The following BCO2 variants were observed in gnomAD, a reference collection of about 807,000 sequenced individuals.
BCO2 encodes carotenoid-cleaving dioxygenase, mitochondrial.
A neutral mutation model predicts 65.8 loss-of-function variants in BCO2; 56 were observed. The ratio of observed to expected loss-of-function variants is 0.85; its 90% confidence interval spans 0.69 to 1.06. The LOEUF (loss-of-function observed/expected upper bound fraction) is 1.06. Among genes scored for constraint, BCO2 ranks in the 50% least tolerant of loss-of-function variants. The pLI is 0.00. For missense variants in BCO2, 675 were observed against 698.5 expected (o/e 0.97, Z 0.38); for synonymous variants, 233 against 242.3 (o/e 0.96, Z 0.36).
intron 2 of BCO2, 63 bp from the exon 3 acceptor site, chr11:112,193,411 T>G (rs1207860807): frequency 9.3e-6 from 13 of 1,396,042 alleles, no homozygotes; most frequent in Non-Finnish European, 1.3e-5. Flanking sequence ...GATCTATCAC[T>G]CTGTCCCTCA....
chr11:112,193,718 A>G (rs551081649), intron 3 of BCO2, 21 bp downstream of exon 3: 1 of 1,595,854 alleles, frequency 6.3e-7, no homozygotes, highest in East Asian at 2.2e-5. Context: ...TGATTATTTA[A>G]ACTATTACGA....
At position 112,200,471 on chromosome 11, in the gene BCO2, C is replaced by T. The variant is rs1019719195; in HGVS notation, c.866-142C>T. 15 of 656,886 alleles carry T rather than the reference C, an allele frequency of 2.3e-5. No individual in the cohort carries two copies. The African/African-American group carries it at 2.6e-4, about 11-fold the overall frequency. The allele number at this position is 656,886 out of a possible 1,614,324, so 40.7% of individuals were successfully genotyped here. ...AAATACGTATAGTAAAGCTGGGAGA[C>T]AGTAAACATGTATTTCTGGCTGGCA... On this transcript the variant is annotated intron_variant, in intron 6 of 11. Coordinates refer to ENST00000357685, the MANE Select transcript of BCO2 (RefSeq NM_031938.7).
chr11:112,206,655 A>AT (rs1412986706), intron 8 of BCO2, among the ~76,000 whole-genome samples: 7 of 151,832 alleles, frequency 4.6e-5, no homozygotes, highest in Non-Finnish European at 1.0e-4. Flanking sequence ...TGTGGTTGCA[A>AT]TTTTTTTCCC....
At chr11:112,216,690 C>G (rs1295824536) in intron 11 of BCO2, among the ~76,000 whole-genome samples, 5 of 152,182 alleles carry the variant, frequency 3.3e-5, no homozygotes, top group Non-Finnish European at 1.5e-5. Flanking sequence ...GTATTTAAAT[C>G]CAAGTCTTTT....
At position 112,214,771 on chromosome 11, in the gene BCO2, T is replaced by G. The variant is rs778931681; in HGVS notation, c.1342T>G (p.Ser448Ala). 1 of 1,612,782 alleles carries G rather than the reference T, an allele frequency of 6.2e-7. No individual in the cohort carries two copies. Among genetic ancestry groups the G allele is most frequent in the South Asian group, 1.1e-5 (1 of 91,028 alleles). ...TTGAAATCTCTTTTAGATCTGGTGC[T>G]CTCATGAAAATCTACATCAGGAGGA... ...VKQADGTIWC[S>A]HENLHQEDLE... Residue 448 changes from serine to alanine, a missense_variant, in exon 10 of 12, where the codon TCT becomes GCT. Transcript: ENST00000357685.
chr11:112,189,403 A>AGTTTT (rs1566774966), intron 2 of BCO2, among the ~76,000 whole-genome samples: 1 of 136,174 alleles, frequency 7.3e-6, no homozygotes. Context: ...TAGAAAAGGA[A>AGTTTT]ATTTTTTTTT....
chr11:112,194,815 A>G, intron 5 of BCO2, 60 bp downstream of exon 5: 1 of 1,203,782 alleles, frequency 8.3e-7, no homozygotes, highest in African/African-American at 1.5e-5. Flanking sequence ...TGTGTATATA[A>G]AGATGAATAC....
At position 112,216,323 on chromosome 11, in the gene BCO2, C is replaced by T. The variant is rs1859677479; in HGVS notation, c.1619C>T (p.Pro540Leu). ...GTTATTCTTTCTGTGGTGATCACTC[C>T]CAACCAGGTAAATATATTTCCCTAT... ...GGVILSVVIT[P>L]NQNESNFILV... The change falls in exon 11 of 12, where the codon CCC becomes CTC. Residue 540 changes from proline to leucine, a missense_variant. Transcript: ENST00000357685. 1.2e-6 allele frequency: 2 copies of T among 1,611,520 alleles called. No homozygotes were observed.
chr11:112,199,968 A>G lies in BCO2; in HGVS notation c.865+141A>G, dbSNP rs10502153. On this transcript the variant is annotated intron_variant, in intron 6 of 11. Coordinates refer to ENST00000357685, the MANE Select transcript of BCO2 (RefSeq NM_031938.7). ...CCAAGGTTGCATTTTGATGCCAGGT[A>G]AGGTTATTCTGTTTAGTCACATACT... The G allele has an allele frequency of 6.7e-3, 6,589 of 990,462 alleles. 290 individuals carry two copies. In the African/African-American group the frequency reaches 0.09, roughly 13 times the overall value. The allele number at this position is 990,462 out of a possible 1,614,324, so 61.4% of individuals were successfully genotyped here. A position where few individuals can be genotyped will look rare whatever the true frequency, so the allele number is the denominator to read the frequency against.
intron 8 of BCO2, among the ~76,000 whole-genome samples, chr11:112,207,414 T>G (rs1048254200): frequency 2.0e-5 from 3 of 152,234 alleles, no homozygotes; most frequent in Non-Finnish European, 4.4e-5. Context: ...CATCTTGTTT[T>G]AGACATCTTC....
chr11:112,206,353 G>A (rs1000616546), intron 8 of BCO2, among the ~76,000 whole-genome samples: 1 of 151,720 alleles, frequency 6.6e-6, no homozygotes, highest in East Asian at 1.9e-4. Context: ...GTTCCCAGAC[G>A]GTGGGCGGCC....
In BCO2 at chr11:112,216,291, T is replaced by C. The variant is rs1859676112; in HGVS notation, c.1587T>C (p.Asp529=). 3.7e-6 allele frequency: 6 copies of C among 1,614,128 alleles called. No homozygotes were observed. The highest frequency in any genetic ancestry group is 1.1e-5 in the South Asian group (1 of 91,084). Residue 529 remains aspartate (D), a synonymous_variant, in exon 11 of 12, where the codon GAT becomes GAC. Transcript: ENST00000357685. Reference sequence around the variant, plus strand: ...CAGCACCAGGAACCAATGAAGAAGATGGTGGGGTTATTCTTTCTGTGGTGA... The same window carrying C: ...CAGCACCAGGAACCAATGAAGAAGACGGTGGGGTTATTCTTTCTGTGGTGA... ...FVPAPGTNEE[D]GGVILSVVIT... is the part of the protein sequence containing the mutation.
chr11:112,181,760 C>T (rs186101201), intron 2 of BCO2: 28 of 854,722 alleles, frequency 3.3e-5, no homozygotes, highest in African/African-American at 2.5e-4. Flanking sequence ...TCAGTGGTGC[C>T]GATCTTTCTT....
intron 8 of BCO2, 124 bp downstream of exon 8, chr11:112,202,314 G>T: frequency 5.5e-6 from 5 of 908,440 alleles, no homozygotes; most frequent in Non-Finnish European, 8.0e-6. Context: ...ACTGAGTCTT[G>T]CTGTGTCACC....
chr11:112,210,166 A>G (rs745815054), intron 8 of BCO2, among the ~76,000 whole-genome samples: 5 of 152,184 alleles, frequency 3.3e-5, no homozygotes, highest in African/African-American at 4.8e-5. Context: ...CTCTACCACA[A>G]TTCTCAGTTT....
chr11:112,189,398 AAG>A lies in BCO2; in HGVS notation c.294-4075_294-4074del, dbSNP rs1421389702. ...AAAGAATTAAACAAAATTGATAGAA[AAG>A]GAAATTTTTTTTTTTTTTTTTTTGA... On this transcript the variant is annotated intron_variant, in intron 2 of 11. Coordinates refer to ENST00000357685, the MANE Select transcript of BCO2 (RefSeq NM_031938.7). 5.4e-5 allele frequency among the ~76,000 whole-genome samples: 8 copies of A among 146,886 alleles called. No individual in the cohort carries two copies. In the East Asian group the frequency reaches 1.6e-3, roughly 30 times the overall value.
chr11:112,175,543 G>C lies in BCO2; in HGVS notation c.-59G>C. 8.0e-7 allele frequency: 1 copy of C among 1,247,254 alleles called. No homozygotes were observed. 77.3% of individuals were successfully genotyped at this position (1,247,254 alleles called of 1,614,324 possible). A position where few individuals can be genotyped will look rare whatever the true frequency, so the allele number is the denominator to read the frequency against. On this transcript the variant is annotated 5_prime_UTR_variant, in exon 1 of 12. Coordinates refer to ENST00000357685, the MANE Select transcript of BCO2 (RefSeq NM_031938.7). ...TTCTGTGCGTGTTCACTGTTTAGTA[G>C]TACTCAAAACTGCCAGTGTGAGAGG...
In BCO2 at chr11:112,179,477, G is replaced by A. The variant is rs1222276826; in HGVS notation, c.288G>A (p.Lys96=). The A allele has an allele frequency of 1.9e-6, 3 of 1,613,818 alleles. No individual in the cohort carries two copies. Among genetic ancestry groups the A allele is most frequent in the East Asian group, 2.2e-5 (1 of 44,882 alleles). Residue 96 remains lysine, a synonymous_variant, in exon 2 of 12, where the codon AAG becomes AAA. Coordinates refer to ENST00000357685, the MANE Select transcript of BCO2 (RefSeq NM_031938.7). ...GACCTGGGAAATTCGAGTTTGGGAAGGATAAGTAAGCCTTGATTTTGGAGA... is the reference window on the plus strand; with the variant it reads ...GACCTGGGAAATTCGAGTTTGGGAAAGATAAGTAAGCCTTGATTTTGGAGA... ...RIGPGKFEFG[K]DKYNHWFDGM...
intron 4 of BCO2, 160 bp downstream of exon 4, chr11:112,194,154 G>A (rs1027280613): frequency 1.7e-6 from 1 of 582,550 alleles, no homozygotes; most frequent in Non-Finnish European, 3.0e-6. Flanking sequence ...CTGGCCTGAT[G>A]GCCTCTGGGT....
Sources: gnomAD v4.1 joint callset for allele counts (sites outside exome capture counted in the v4.1 genomes callset) on GRCh38, gnomAD v4.1.1 for gene constraint, MANE v1.5 for transcripts, NCBI Gene and HGNC (gene_info 2026-07-23, HGNC 2026-07-21) for gene names.